HIVEP3: variants seen among roughly 807,000 people sequenced by gnomAD.
HIVEP3 encodes transcription factor HIVEP3.
A neutral mutation model predicts 152.8 loss-of-function variants in HIVEP3; 49 were observed. That is an observed-to-expected ratio of 0.32 (90% CI 0.26 to 0.41). The LOEUF is 0.41. Ranked by LOEUF, HIVEP3 falls within the 10% of genes least tolerant of loss-of-function variation. The probability of loss-of-function intolerance (pLI) is 1.00; values close to 1 mark genes in which losing one functional copy is unlikely to be tolerated. For missense variants in HIVEP3, 2,790 were observed against 3,103.3 expected, an observed-to-expected ratio of 0.90 and a Z score of 2.40; for synonymous variants, 1,269 against 1,289.0, an observed-to-expected ratio of 0.98 and a Z score of 0.33.
At chr1:41,607,382 GT>G (rs35840508) in intron 3 of HIVEP3, among the ~76,000 whole-genome samples, 1 of 152,156 alleles carries the variant, frequency 6.6e-6, no homozygotes, top group Non-Finnish European at 1.5e-5. Context: ...TTCCACTGAA[GT>G]TTTTTCCATA....
chr1:41,893,746 A>G lies in HIVEP3; in HGVS notation c.-801+24667T>C, dbSNP rs116738398. On this transcript the variant is annotated intron_variant, in intron 1 of 8. Coordinates refer to ENST00000372583, the MANE Select transcript of HIVEP3 (RefSeq NM_024503.5). ...TGTGTGTATATAGATATACATATAT[A>G]TTTATATTCATATATACATATTTTT... Among the ~76,000 whole-genome samples, 1,058 of 147,880 alleles carry G rather than the reference A, an allele frequency of 7.2e-3. 15 individuals are homozygous for G. Among genetic ancestry groups the G allele is most frequent in the African/African-American group, 0.025 (1,026 of 40,656 alleles).
At chr1:41,835,414 G>A (rs544762842) in intron 1 of HIVEP3, among the ~76,000 whole-genome samples, 1 of 152,128 alleles carries the variant, frequency 6.6e-6, no homozygotes, top group Non-Finnish European at 1.5e-5. Flanking sequence ...GAGCTCTCTG[G>A]TGTCTCTTCA....
intron 1 of HIVEP3, among the ~76,000 whole-genome samples, chr1:41,966,534 C>T (rs376867119): frequency 3.6e-5 from 5 of 140,644 alleles, no homozygotes; most frequent in East Asian, 2.3e-4. Context: ...ACTGCGGTGG[C>T]GCCATCTCGG....
chr1:42,026,197 G>C (rs572296496), intron 1 of HIVEP3, among the ~76,000 whole-genome samples: 29 of 152,258 alleles, frequency 1.9e-4, no homozygotes, highest in Admixed American at 3.3e-4. Flanking sequence ...GAGAGAACTA[G>C]TTTTATTTCT....
chr1:41,541,453 C>T (rs1290206183), intron 5 of HIVEP3, among the ~76,000 whole-genome samples: 2 of 152,150 alleles, frequency 1.3e-5, no homozygotes, highest in East Asian at 1.9e-4. Flanking sequence ...TGTGTTGTGG[C>T]CGTGACAGGC....
intron 1 of HIVEP3, among the ~76,000 whole-genome samples, chr1:41,744,151 G>A (rs1247845221): frequency 6.6e-6 from 1 of 152,000 alleles, no homozygotes; most frequent in Non-Finnish European, 1.5e-5. Context: ...CGATTCTCCT[G>A]CCTCAACCTC....
At chr1:41,521,407 C>G (rs983260946) in intron 6 of HIVEP3, among the ~76,000 whole-genome samples, 6 of 152,348 alleles carry the variant, frequency 3.9e-5, no homozygotes, top group Admixed American at 6.5e-5. Flanking sequence ...GCCCCCGCCA[C>G]GGGGGTGCAG....
At chr1:41,813,635 C>T (rs1013028858) in intron 1 of HIVEP3, among the ~76,000 whole-genome samples, 1 of 152,202 alleles carries the variant, frequency 6.6e-6, no homozygotes, top group East Asian at 1.9e-4. Flanking sequence ...AGGGAGAAGG[C>T]TGAGAACCAT....
At chr1:41,625,162 CAAAAAAAAAAAAAAAA>C (rs59268661) in intron 3 of HIVEP3, among the ~76,000 whole-genome samples, 12 of 71,274 alleles carry the variant, frequency 1.7e-4, no homozygotes, top group African/African-American at 4.7e-4. Context: ...GATTCCAACT[CAAAAAAAAAAAAAAAA>C]AAAAAAAAAA....
At chr1:42,012,534 AC>A (rs796204275) in intron 1 of HIVEP3, among the ~76,000 whole-genome samples, 3 of 152,248 alleles carry the variant, frequency 2.0e-5, no homozygotes, top group East Asian at 3.9e-4. Context: ...CTACTGAAAT[AC>A]AAAAATTAGC....
At chr1:41,880,542 T>C (rs548703378) in intron 1 of HIVEP3, among the ~76,000 whole-genome samples, 55 of 152,316 alleles carry the variant, frequency 3.6e-4, no homozygotes, top group Non-Finnish European at 6.5e-4. Flanking sequence ...AGTCTACATT[T>C]CCATGTCACC....
chr1:41,510,710 C>T lies in HIVEP3; in HGVS notation c.6962G>A (p.Gly2321Glu). 3 of 1,531,678 alleles carry T rather than the reference C, an allele frequency of 2.0e-6. No individual in the cohort carries two copies. Among genetic ancestry groups the T allele is most frequent in the Non-Finnish European group, 2.6e-6 (3 of 1,139,158 alleles). The allele number at this position is 1,531,678 out of a possible 1,614,324, so 94.9% of individuals were successfully genotyped here. A position where few individuals can be genotyped will look rare whatever the true frequency, so the allele number is the denominator to read the frequency against. Reference sequence around the variant, plus strand: ...GCTCCAGGACTGCGCTGCCCGGCGTCCCTGGGGCGGCCGGGGCAAGGTGTC... The same window carrying T: ...GCTCCAGGACTGCGCTGCCCGGCGTTCCTGGGGCGGCCGGGGCAAGGTGTC... ...PPDTLPRPPQ[G>E]RRAAQSWSPR... Residue 2321 changes from glycine (G) to glutamate (E), a missense_variant, in exon 9 of 9, where the codon GGA (glycine) becomes GAA (glutamate). Gly to Glu is a moderately conservative substitution (Grantham distance 98). Coordinates refer to ENST00000372583, the MANE Select transcript of HIVEP3 (RefSeq NM_024503.5).
intron 1 of HIVEP3, among the ~76,000 whole-genome samples, chr1:41,782,609 G>A (rs959518758): frequency 6.6e-6 from 1 of 151,840 alleles, no homozygotes; most frequent in African/African-American, 2.4e-5. Flanking sequence ...GTGGGCACCT[G>A]TAATCCCAGC....
At chr1:42,027,401 C>T (rs1399162502) in intron 1 of HIVEP3, among the ~76,000 whole-genome samples, 4 of 152,182 alleles carry the variant, frequency 2.6e-5, no homozygotes, top group Non-Finnish European at 5.9e-5. Context: ...GAATTTATTT[C>T]TAAGACAGAA....
chr1:41,594,393 T>A (rs1644633794), intron 3 of HIVEP3, among the ~76,000 whole-genome samples: 1 of 151,940 alleles, frequency 6.6e-6, no homozygotes, highest in Non-Finnish European at 1.5e-5. Context: ...CAGATAATTT[T>A]CGTATTTTTA....
chr1:41,922,580 A>G (rs1480866534), upstream of HIVEP3, among the ~76,000 whole-genome samples: 1 of 152,200 alleles, frequency 6.6e-6, no homozygotes, highest in Non-Finnish European at 1.5e-5. Flanking sequence ...AAGCCAACAA[A>G]ATATGTGGTC....
chr1:41,629,567 C>A (rs573597945), intron 2 of HIVEP3, among the ~76,000 whole-genome samples: 3 of 152,228 alleles, frequency 2.0e-5, no homozygotes, highest in Admixed American at 1.3e-4. Context: ...GGAACTTAAA[C>A]AATTCAACAA....
chr1:41,949,280 A>T (rs967392591), intron 1 of HIVEP3, among the ~76,000 whole-genome samples: 2 of 152,242 alleles, frequency 1.3e-5, no homozygotes, highest in African/African-American at 4.8e-5. Flanking sequence ...TCCTTTTGTT[A>T]TCGGAGCAGG....
At chr1:41,757,061 G>A (rs1450160688) in intron 1 of HIVEP3, among the ~76,000 whole-genome samples, 1 of 150,518 alleles carries the variant, frequency 6.6e-6, no homozygotes, top group African/African-American at 2.4e-5. Context: ...AGGCCAGCCT[G>A]GGCAACATAG....
Sources: gnomAD v4.1 joint callset for allele counts (sites outside exome capture counted in the v4.1 genomes callset) on GRCh38, gnomAD v4.1.1 for gene constraint, MANE v1.5 for transcripts, NCBI Gene and HGNC (gene_info 2026-07-23, HGNC 2026-07-21) for gene names.